CFAP61: variants seen among roughly 807,000 people sequenced by gnomAD.
The protein encoded by CFAP61 is cilia- and flagella-associated protein 61.
Under a neutral mutation model 135.6 loss-of-function variants are expected in CFAP61, and 107 were observed. The ratio of observed to expected loss-of-function variants is 0.79; its 90% CI spans 0.67 to 0.93. The LOEUF (loss-of-function observed/expected upper bound fraction) is 0.93. Among genes scored for constraint, CFAP61 ranks in the 40% least tolerant of loss-of-function variants. CFAP61 has a pLI of 0.00. For missense variants in CFAP61, 1,507 were observed against 1,556.2 expected, an observed-to-expected ratio of 0.97 and a Z score of 0.53; for synonymous variants, 575 against 578.5, an observed-to-expected ratio of 0.99 and a Z score of 0.09.
At chr20:20,064,150 C>G (rs2045056644) in intron 2 of CFAP61, among the ~76,000 whole-genome samples, 1 of 151,740 alleles carries the variant, frequency 6.6e-6, no homozygotes, top group South Asian at 2.1e-4. Context: ...TTTGTTCATG[C>G]CTTCCACCCA....
At chr20:20,247,765 C>T (rs1294788124) in intron 19 of CFAP61, among the ~76,000 whole-genome samples, 1 of 152,160 alleles carries the variant, frequency 6.6e-6, no homozygotes, top group Non-Finnish European at 1.5e-5. Flanking sequence ...GCCACACCAG[C>T]CTCCTCGATG....
intron 17 of CFAP61, among the ~76,000 whole-genome samples, chr20:20,204,026 AC>A (rs990277998): frequency 6.6e-6 from 1 of 152,158 alleles, no homozygotes; most frequent in Non-Finnish European, 1.5e-5. Context: ...ACTCCAGAAA[AC>A]CTGCTTTGAA....
At chr20:20,344,335 C>T (rs914121170) in intron 26 of CFAP61, among the ~76,000 whole-genome samples, 3 of 152,156 alleles carry the variant, frequency 2.0e-5, no homozygotes, top group Non-Finnish European at 4.4e-5. Context: ...TGGAGAAGGG[C>T]TGCTGTGGAA....
At chr20:20,123,971 G>T (rs1196655792) in intron 8 of CFAP61, among the ~76,000 whole-genome samples, 45 of 65,236 alleles carry the variant, frequency 6.9e-4, no homozygotes, top group African/African-American at 7.2e-4. Context: ...ATATTCCTAA[G>T]TTTTTTTTTT....
chr20:20,314,907 G>A (rs1297897232), intron 25 of CFAP61, among the ~76,000 whole-genome samples: 1 of 132,358 alleles, frequency 7.6e-6, no homozygotes, highest in East Asian at 2.1e-4. Flanking sequence ...TGGTGTATAT[G>A]TGCCACATTT....
At chr20:20,145,428 A>G (rs569939223) in intron 9 of CFAP61, among the ~76,000 whole-genome samples, 2 of 152,328 alleles carry the variant, frequency 1.3e-5, no homozygotes, top group Non-Finnish European at 2.9e-5. Flanking sequence ...CATCATAAAA[A>G]TACAAAATTA....
chr20:20,284,349 G>A (rs1334571337), intron 22 of CFAP61, among the ~76,000 whole-genome samples: 2 of 151,442 alleles, frequency 1.3e-5, no homozygotes, highest in South Asian at 2.1e-4. Flanking sequence ...ACAGTGGCTC[G>A]ATCTCAGCTC....
At chr20:20,315,636 G>A (rs2122217419) in intron 25 of CFAP61, among the ~76,000 whole-genome samples, 1 of 152,022 alleles carries the variant, frequency 6.6e-6, no homozygotes, top group South Asian at 2.1e-4. Context: ...GAATGGTAAT[G>A]CCTAGGTTTT....
At chr20:20,119,265 G>A (rs1411603059) in intron 8 of CFAP61, among the ~76,000 whole-genome samples, 4 of 152,026 alleles carry the variant, frequency 2.6e-5, no homozygotes, top group African/African-American at 9.7e-5. Context: ...CTTGATCGTA[G>A]ACTTTTTATT....
intron 17 of CFAP61, among the ~76,000 whole-genome samples, chr20:20,208,489 T>G (rs943155942): frequency 1.3e-5 from 2 of 152,234 alleles, no homozygotes; most frequent in Non-Finnish European, 2.9e-5. Context: ...GAAGGCAGGA[T>G]GGGGAGGGCC....
At chr20:20,067,307 G>T (rs1416986409) in intron 2 of CFAP61, among the ~76,000 whole-genome samples, 3 of 152,094 alleles carry the variant, frequency 2.0e-5, no homozygotes, top group Non-Finnish European at 4.4e-5. Flanking sequence ...TCTCAGCCGG[G>T]CGTGGTAGCT....
At chr20:20,064,471 C>T (rs928301892) in intron 2 of CFAP61, among the ~76,000 whole-genome samples, 4 of 152,098 alleles carry the variant, frequency 2.6e-5, no homozygotes, top group Non-Finnish European at 4.4e-5. Context: ...CAGTGACAGT[C>T]GATCTGGTAA....
intron 24 of CFAP61, among the ~76,000 whole-genome samples, chr20:20,296,237 CT>C (rs1304924872): frequency 1.0e-5 from 1 of 96,644 alleles, no homozygotes; most frequent in African/African-American, 4.2e-5. Flanking sequence ...TCCTTTCTTC[CT>C]TCCCTCCCTC....
chr20:20,223,700 T>G (rs1391601864), intron 17 of CFAP61, among the ~76,000 whole-genome samples: 1 of 152,142 alleles, frequency 6.6e-6, no homozygotes, highest in Non-Finnish European at 1.5e-5. Flanking sequence ...TCTATGTATA[T>G]CCAATGAAAT....
intron 22 of CFAP61, among the ~76,000 whole-genome samples, chr20:20,284,992 C>A (rs959219921): frequency 5.3e-5 from 8 of 152,136 alleles, no homozygotes; most frequent in Non-Finnish European, 1.0e-4. Context: ...AAAAGTAATT[C>A]TTTAGTTTTG....
rs561354306 is a variant in CFAP61 at position 20,279,467 on chromosome 20, G to A, written c.2796+2009G>A. ...GAAAATGTTATTAAGACAATCATAA[G>A]GAAGAGAAAATATATTTATTCTTCA... On this transcript the variant is annotated intron_variant, in intron 22 of 26. Transcript: ENST00000245957. Among the ~76,000 whole-genome samples the A allele has an allele frequency of 8.5e-5, 13 of 152,228 alleles. No homozygotes were observed. In the South Asian group the frequency reaches 2.7e-3, roughly 32 times the overall value.
At chr20:20,158,106 G>A (rs1352757256) in intron 9 of CFAP61, among the ~76,000 whole-genome samples, 1 of 148,146 alleles carries the variant, frequency 6.8e-6, no homozygotes, top group Admixed American at 6.9e-5. Context: ...TGGGGGGAGG[G>A]GGGAGGGATA....
At chr20:20,053,111 C>T (rs6075607) in intron 1 of CFAP61, among the ~76,000 whole-genome samples, 73,626 of 151,980 alleles carry the variant, frequency 0.48, 18,102 homozygotes, top group East Asian at 0.71. Flanking sequence ...CCTCAATGTC[C>T]TCAACTATAA....
intron 26 of CFAP61, among the ~76,000 whole-genome samples, chr20:20,357,056 GAGGGGAAGTGGTCACAC>G: frequency 8.3e-6 from 1 of 120,012 alleles, no homozygotes; most frequent in Non-Finnish European, 1.9e-5. Flanking sequence ...TGGTCACACT[GAGGGGAAGTGGTCACAC>G]TGAGAGGAGG....
Sources: gnomAD v4.1 joint callset for allele counts (sites outside exome capture counted in the v4.1 genomes callset) on GRCh38, gnomAD v4.1.1 for gene constraint, MANE v1.5 for transcripts, NCBI Gene and HGNC (gene_info 2026-07-23, HGNC 2026-07-21) for gene names.